Variants in NDRG4 observed in about 807,000 individuals in gnomAD.
NDRG4 encodes NDRG family member 4, also known as protein NDRG4.
In NDRG4, 38 loss-of-function variants were observed where a neutral mutation model predicts 55.8. The ratio of observed to expected loss-of-function variants is 0.68; its 90% CI spans 0.53 to 0.89. The LOEUF is 0.89. Ranked by LOEUF, NDRG4 falls within the 40% of genes least tolerant of loss-of-function variation. The pLI is 0.00. For missense variants in NDRG4, 455 were observed against 468.6 expected (o/e 0.97, Z 0.27); for synonymous variants, 190 against 182.7 (o/e 1.04, Z -0.32).
chr16:58,515,110 G>C (rs3809596), downstream of NDRG4, among the ~76,000 whole-genome samples: 2 of 151,996 alleles, frequency 1.3e-5, no homozygotes, highest in African/African-American at 4.8e-5. Context: ...CCAGTAAAAG[G>C]GTTCCATGGC....
intron 2 of NDRG4, among the ~76,000 whole-genome samples, chr16:58,494,256 A>C (rs1406269526): frequency 6.6e-6 from 1 of 152,188 alleles, no homozygotes; most frequent in Non-Finnish European, 1.5e-5. Context: ...TCTGAGGCAC[A>C]AAGCGACCAG....
chr16:58,509,199 T>C lies in NDRG4; in HGVS notation c.813+10T>C. 1 of 1,613,992 alleles carries C rather than the reference T, an allele frequency of 6.2e-7. No individual in the cohort carries two copies. Among genetic ancestry groups the C allele is most frequent in the Non-Finnish European group, 8.5e-7 (1 of 1,180,002 alleles). On this transcript the variant is annotated intron_variant, in intron 12 of 14. Coordinates refer to ENST00000570248, the MANE Select transcript of NDRG4 (RefSeq NM_001242835.2). The stretch of plus-strand genomic sequence containing the variant: ...GCCCCAGGTCACACAGGTGAGACTT[T>C]TGGCCCTCCTGCCCTTACATCTATG...
Position 58,505,148 on chromosome 16 carries a change from G to A in NDRG4, c.372+499G>A, listed in dbSNP as rs2037701746. 3.3e-5 allele frequency among the ~76,000 whole-genome samples: 5 copies of A among 152,218 alleles called. No individual in the cohort carries two copies. The South Asian group carries it at 1.0e-3, about 32-fold the overall frequency. ...GCAGATCACGAGGTCAGGAGATCAAGACCATCCTGGCTAACACGGTGAAAC... is the reference window on the plus strand; with the variant it reads ...GCAGATCACGAGGTCAGGAGATCAAAACCATCCTGGCTAACACGGTGAAAC... On this transcript the variant is annotated intron_variant, in intron 5 of 14. Coordinates refer to ENST00000570248, the MANE Select transcript of NDRG4 (RefSeq NM_001242835.2).
chr16:58,506,144 GTGTGTGTGTGTGTC>G lies in NDRG4; in HGVS notation c.373-231_373-218del, dbSNP rs528969454. On this transcript the variant is annotated intron_variant, in intron 5 of 14. Transcript: ENST00000570248. Reference sequence around the variant, plus strand: ...TTCTGTTGAAAGAGCGTGTGTGTGTGTGTGTGTGTGTGTCTGTGTGTGTGTAGGGGTGGAAACAA... The same window carrying G: ...TTCTGTTGAAAGAGCGTGTGTGTGTGTGTGTGTGTGTAGGGGTGGAAACAA... 7.4e-3 allele frequency: 4,725 copies of G among 642,814 alleles called. 14 individuals carry two copies. Among genetic ancestry groups the G allele is most frequent in the Middle Eastern group, 0.044 (175 of 4,000 alleles). 39.8% of individuals were successfully genotyped at this position (642,814 alleles called of 1,614,324 possible). A position where few individuals can be genotyped will look rare whatever the true frequency, so the allele number is the denominator to read the frequency against.
At chr16:58,496,359 G>A (rs373428489), upstream of NDRG4, among the ~76,000 whole-genome samples, 4 of 152,046 alleles carry the variant, frequency 2.6e-5, no homozygotes, top group East Asian at 5.8e-4. Context: ...TAAAAGGCAG[G>A]TTGCATTAAA....
At chr16:58,506,690 G>A (rs546490940) in intron 7 of NDRG4, 76 bp downstream of exon 7, 52 of 1,483,160 alleles carry the variant, frequency 3.5e-5, no homozygotes, top group East Asian at 1.2e-4. Context: ...GGAGGCAGGC[G>A]GGTGTCTTTG....
At position 58,508,097 on chromosome 16, in the gene NDRG4, G is replaced by A. The variant is rs79814466; in HGVS notation, c.729+98G>A. 0.03 allele frequency: 35,689 copies of A among 1,176,306 alleles called. 689 individuals are homozygous for A. Among genetic ancestry groups the A allele is most frequent in the Non-Finnish European group, 0.037 (30,880 of 840,878 alleles). 72.9% of individuals were successfully genotyped at this position (1,176,306 alleles called of 1,614,324 possible). ...GGACAATTCTTGATCCAGCCCAGGGGAGCCTCCAGGGCCAGCAGTGGACGG... is the reference window on the plus strand; with the variant it reads ...GGACAATTCTTGATCCAGCCCAGGGAAGCCTCCAGGGCCAGCAGTGGACGG... On this transcript the variant is annotated intron_variant, in intron 10 of 14. Transcript: ENST00000570248.
intron 1 of NDRG4, among the ~76,000 whole-genome samples, chr16:58,469,251 G>A (rs560346881): frequency 5.3e-5 from 8 of 152,226 alleles, no homozygotes; most frequent in African/African-American, 1.9e-4. Flanking sequence ...CTCATTTCCA[G>A]TTCATCTGCT....
At chr16:58,503,980 C>T in intron 2 of NDRG4, 77 bp downstream of exon 2, 1 of 1,561,384 alleles carries the variant, frequency 6.4e-7, no homozygotes, top group Non-Finnish European at 8.8e-7. Context: ...ACCCTCCCCA[C>T]AGGGCCCTGT....
Position 58,513,488 on chromosome 16 carries a change from G to A in NDRG4, c.*1912G>A, listed in dbSNP as rs150480079. 1.8e-4 allele frequency: 28 copies of A among 152,338 alleles called. No individual in the cohort carries two copies. Among genetic ancestry groups the A allele is most frequent in the African/African-American group, 6.0e-4 (25 of 41,538 alleles). The allele number at this position is 152,338 out of a possible 1,614,324, so 9.4% of individuals were successfully genotyped here. A position where few individuals can be genotyped will look rare whatever the true frequency, so the allele number is the denominator to read the frequency against. On this transcript the variant is annotated 3_prime_UTR_variant, in exon 15 of 15. Transcript: ENST00000570248. Reference sequence around the variant, plus strand: ...CAGAATGTTTGGGCAGGGGCTGCTGGTGCTGCTTGGGTTTTGGGTTGAGGG... The same window carrying A: ...CAGAATGTTTGGGCAGGGGCTGCTGATGCTGCTTGGGTTTTGGGTTGAGGG...
chr16:58,505,240 T>TG (rs1158909395), intron 5 of NDRG4, among the ~76,000 whole-genome samples: 2 of 151,526 alleles, frequency 1.3e-5, no homozygotes, highest in Non-Finnish European at 2.9e-5. Context: ...TCCCAGCTAC[T>TG]CGGGAGGCTG....
chr16:58,512,128 G>A lies in NDRG4; in HGVS notation c.*552G>A, dbSNP rs76196735. 6,768 of 456,516 alleles carry A rather than the reference G, an allele frequency of 0.015. 321 individuals carry two copies. The highest frequency in any genetic ancestry group is 0.11 in the African/African-American group (5,552 of 50,156). 28.3% of individuals were successfully genotyped at this position (456,516 alleles called of 1,614,324 possible). ...ACTTTCCTGGTGCTCTCTGGGCCCA[G>A]CTGGTGCTGTAGGGCCACGCAGGCA... On this transcript the variant is annotated 3_prime_UTR_variant, in exon 15 of 15. Transcript: ENST00000570248.
intron 1 of NDRG4, 50 bp from the exon 2 acceptor site, chr16:58,503,748 G>T (rs1281514297): frequency 1.4e-5 from 23 of 1,610,660 alleles, no homozygotes; most frequent in Non-Finnish European, 1.6e-5. Context: ...CCCCAGAGGA[G>T]CCAAGAGCGG....
At chr16:58,491,586 A>G (rs2432559) in intron 2 of NDRG4, among the ~76,000 whole-genome samples, 142,351 of 151,920 alleles carry the variant, frequency 0.94, 66,790 homozygotes, top group South Asian at 0.97. Flanking sequence ...TCAGCCTCCC[A>G]AGTAGCTGGG....
intron 1 of NDRG4, among the ~76,000 whole-genome samples, chr16:58,486,592 G>A (rs11644906): frequency 0.014 from 2,090 of 151,406 alleles, 21 homozygotes; most frequent in Non-Finnish European, 0.021. Context: ...TTTTTCTCTT[G>A]GTGCATTCTG....
At chr16:58,499,766 C>G (rs914874275), upstream of NDRG4, 1 of 245,182 alleles carries the variant, frequency 4.1e-6, no homozygotes, top group African/African-American at 2.3e-5. Flanking sequence ...TGCCCTGCCC[C>G]GCATTGGTAA....
intron 5 of NDRG4, among the ~76,000 whole-genome samples, chr16:58,505,149 A>G (rs532689613): frequency 6.6e-6 from 1 of 152,280 alleles, no homozygotes; most frequent in South Asian, 2.1e-4. Flanking sequence ...GGAGATCAAG[A>G]CCATCCTGGC....
At chr16:58,488,762 C>T (rs1206232111) in intron 2 of NDRG4, among the ~76,000 whole-genome samples, 2 of 152,250 alleles carry the variant, frequency 1.3e-5, no homozygotes, top group East Asian at 1.9e-4. Flanking sequence ...TGCAGTCCTG[C>T]CCCCAGGAAG....
chr16:58,496,902 A>C (rs976340674), upstream of NDRG4: 1 of 152,238 alleles, frequency 6.6e-6, no homozygotes, highest in Non-Finnish European at 1.5e-5. Flanking sequence ...TTAAGAGAGA[A>C]AATGAGTGCT....
Sources: allele counts gnomAD v4.1 joint callset (sites outside exome capture counted in the v4.1 genomes callset), GRCh38; gene constraint gnomAD v4.1.1; transcripts MANE v1.5; gene names NCBI Gene and HGNC (gene_info 2026-07-23, HGNC 2026-07-21).